Variants in ELP4 observed in about 807,000 individuals in gnomAD.
The protein encoded by ELP4 is elongator complex protein 4.
In ELP4, 51 loss-of-function variants were observed where a neutral mutation model predicts 48.9. That is an observed-to-expected ratio of 1.04 (90% CI 0.83 to 1.32). The LOEUF (loss-of-function observed/expected upper bound fraction) is 1.32, where lower values mean the gene tolerates loss of function less well. ELP4 is among the 40% of genes most tolerant of loss of function. The probability of loss-of-function intolerance (pLI) is 0.00; values close to 1 mark genes in which losing one functional copy is unlikely to be tolerated. For synonymous variants in ELP4, 210 were observed against 189.2 expected (o/e 1.11, Z -0.90); for missense variants, 519 against 514.6 (o/e 1.01, Z -0.08).
At chr11:31,666,624 G>A (rs896150806) in intron 9 of ELP4, among the ~76,000 whole-genome samples, 13 of 151,102 alleles carry the variant, frequency 8.6e-5, no homozygotes, top group East Asian at 2.0e-4. Context: ...CCCGGGAGGC[G>A]GAGATTGCAG....
chr11:31,651,657 G>T (rs1436256813), intron 9 of ELP4: 1 of 151,570 alleles, frequency 6.6e-6, no homozygotes, highest in African/African-American at 2.4e-5. Flanking sequence ...CACAAGGAAA[G>T]CATGATTATC....
intron 9 of ELP4, among the ~76,000 whole-genome samples, chr11:31,671,360 A>G (rs1945803280): frequency 6.6e-6 from 1 of 152,188 alleles, no homozygotes; most frequent in Non-Finnish European, 1.5e-5. Context: ...TAACTACCCT[A>G]GTGCCATTAG....
At chr11:31,547,236 T>C (rs1956745318) in intron 3 of ELP4, among the ~76,000 whole-genome samples, 2 of 151,994 alleles carry the variant, frequency 1.3e-5, no homozygotes, top group East Asian at 1.9e-4. Flanking sequence ...GATAGACTGC[T>C]AGCAAGACTA....
intron 3 of ELP4, among the ~76,000 whole-genome samples, chr11:31,564,164 A>G (rs1957066822): frequency 6.6e-6 from 1 of 152,164 alleles, no homozygotes; most frequent in Admixed American, 6.5e-5. Context: ...AAATATAATA[A>G]TGTATTGAAT....
At chr11:31,516,135 CTCTG>C (rs1188852675) in intron 1 of ELP4, among the ~76,000 whole-genome samples, 5 of 151,982 alleles carry the variant, frequency 3.3e-5, no homozygotes, top group East Asian at 1.9e-4. Context: ...ATCTTTGCTT[CTCTG>C]TCTGTCCCAG....
intron 9 of ELP4, among the ~76,000 whole-genome samples, chr11:31,659,033 T>G (rs909294915): frequency 6.6e-6 from 1 of 152,034 alleles, no homozygotes; most frequent in Non-Finnish European, 1.5e-5. Flanking sequence ...TTTCTGCATT[T>G]TAGTAATACG....
intron 9 of ELP4, among the ~76,000 whole-genome samples, chr11:31,771,775 C>A (rs1328714328): frequency 6.6e-6 from 1 of 152,166 alleles, no homozygotes; most frequent in Admixed American, 6.5e-5. Flanking sequence ...GTCAGGAGAT[C>A]AAGACCATCC....
intron 3 of ELP4, among the ~76,000 whole-genome samples, chr11:31,553,259 G>C (rs1188173014): frequency 6.6e-6 from 1 of 152,090 alleles, no homozygotes; most frequent in Non-Finnish European, 1.5e-5. Flanking sequence ...TGAAAAGTCT[G>C]AGGAAACATG....
intron 9 of ELP4, among the ~76,000 whole-genome samples, chr11:31,685,140 C>A (rs187121126): frequency 2.0e-5 from 3 of 151,874 alleles, no homozygotes; most frequent in East Asian, 3.9e-4. Flanking sequence ...ATCATGAGGT[C>A]AGGAGATCAA....
chr11:31,619,241 T>C (rs1391596973), intron 5 of ELP4, among the ~76,000 whole-genome samples: 1 of 151,892 alleles, frequency 6.6e-6, no homozygotes, highest in Non-Finnish European at 1.5e-5. Context: ...TGATATTTTA[T>C]GGTATGAGGC....
chr11:31,711,960 T>G (rs1381427386), intron 9 of ELP4, among the ~76,000 whole-genome samples: 2 of 152,026 alleles, frequency 1.3e-5, no homozygotes, highest in African/African-American at 2.4e-5. Flanking sequence ...TATTAACACT[T>G]GTAATTTTCT....
intron 6 of ELP4, among the ~76,000 whole-genome samples, chr11:31,631,753 T>A (rs1368413355): frequency 6.6e-6 from 1 of 152,110 alleles, no homozygotes; most frequent in Non-Finnish European, 1.5e-5. Context: ...CAAAAAGTCA[T>A]ATATCTTTAA....
chr11:31,667,144 T>C (rs1945697776), intron 9 of ELP4, among the ~76,000 whole-genome samples: 1 of 152,212 alleles, frequency 6.6e-6, no homozygotes, highest in Non-Finnish European at 1.5e-5. Context: ...TGTCCTGGCT[T>C]GTTGAAATGT....
At chr11:31,533,569 T>C (rs140362252) in intron 2 of ELP4, among the ~76,000 whole-genome samples, 132 of 151,532 alleles carry the variant, frequency 8.7e-4, no homozygotes, top group African/African-American at 3.0e-3. Flanking sequence ...TTGTATTTTT[T>C]AGTAGAGACG....
At chr11:31,578,323 A>G (rs1195584296) in intron 3 of ELP4, among the ~76,000 whole-genome samples, 2 of 152,234 alleles carry the variant, frequency 1.3e-5, no homozygotes, top group Non-Finnish European at 2.9e-5. Context: ...TTCCATGCTT[A>G]TGGTTAGGAA....
At chr11:31,682,188 C>A in intron 9 of ELP4, 1 of 790,356 alleles carries the variant, frequency 1.3e-6, no homozygotes, top group Non-Finnish European at 1.6e-6. Flanking sequence ...AAGTGAAGAG[C>A]TGTACTTGAT....
At chr11:31,762,845 G>GA (rs1467363569) in intron 9 of ELP4, among the ~76,000 whole-genome samples, 1 of 151,376 alleles carries the variant, frequency 6.6e-6, no homozygotes, top group Admixed American at 6.6e-5. Flanking sequence ...ATTTTTTATA[G>GA]AAAAATAATT....
intron 9 of ELP4, among the ~76,000 whole-genome samples, chr11:31,694,703 TCATTGGTA>T (rs1158253423): frequency 6.6e-6 from 1 of 152,194 alleles, no homozygotes; most frequent in Non-Finnish European, 1.5e-5. Context: ...GTGAAGAAAG[TCATTGGTA>T]GCTTAATGGG....
At chr11:31,693,299 C>A (rs1946322462) in intron 9 of ELP4, among the ~76,000 whole-genome samples, 2 of 152,062 alleles carry the variant, frequency 1.3e-5, no homozygotes, top group Middle Eastern at 3.4e-3. Flanking sequence ...CTAATGCTAA[C>A]CCTCCCCCCT....
Sources: gnomAD v4.1 joint callset for allele counts (sites outside exome capture counted in the v4.1 genomes callset) on GRCh38, gnomAD v4.1.1 for gene constraint, MANE v1.5 for transcripts, NCBI Gene and HGNC (gene_info 2026-07-23, HGNC 2026-07-21) for gene names.